Variants in ARL5A observed in about 807,000 individuals in gnomAD.
ARL5A encodes ADP-ribosylation factor-like protein 5A.
A neutral mutation model predicts 25.9 loss-of-function variants in ARL5A; 18 were observed. The observed-to-expected ratio is 0.69, with a 90% CI of 0.48 to 1.03. The LOEUF (loss-of-function observed/expected upper bound fraction) is 1.03, where lower values mean the gene tolerates loss of function less well. ARL5A is among the 50% of genes least tolerant of loss of function. ARL5A has a pLI of 0.00. For missense variants in ARL5A, 170 were observed against 211.9 expected, an observed-to-expected ratio of 0.80 and a Z score of 1.23; for synonymous variants, 61 against 67.5, an observed-to-expected ratio of 0.90 and a Z score of 0.47.
At position 151,801,695 on chromosome 2, in the gene ARL5A, C is replaced by T. The variant is rs2099829436; in HGVS notation, c.*1581G>A. 6.6e-6 allele frequency: 1 copy of T among 152,020 alleles called. No homozygotes were observed. The highest frequency in any genetic ancestry group is 2.4e-5 in the African/African-American group (1 of 41,432). The allele number at this position is 152,020 out of a possible 1,614,324, so 9.4% of individuals were successfully genotyped here. A position where few individuals can be genotyped will look rare whatever the true frequency, so the allele number is the denominator to read the frequency against. On this transcript the variant is annotated 3_prime_UTR_variant, in exon 6 of 6. Transcript: ENST00000295087. ...GTATTTCCCATTTTAAAGAAAGAAACTTTCAAAGTTTTGTCAATACTTAAA... is the reference window on the plus strand; with the variant it reads ...GTATTTCCCATTTTAAAGAAAGAAATTTTCAAAGTTTTGTCAATACTTAAA...
intron 1 of ARL5A, among the ~76,000 whole-genome samples, chr2:151,819,966 G>A (rs576279470): frequency 1.3e-5 from 2 of 152,270 alleles, no homozygotes; most frequent in East Asian, 1.9e-4. Context: ...TAAGGTAGAC[G>A]AATTGCTTGA....
At chr2:151,825,470 CATAAA>C (rs539420791) in intron 1 of ARL5A, among the ~76,000 whole-genome samples, 4 of 152,028 alleles carry the variant, frequency 2.6e-5, no homozygotes, top group Non-Finnish European at 4.4e-5. Context: ...ATTGTTAAAA[CATAAA>C]ATAAAATAAA....
chr2:151,803,263 A>C lies in ARL5A; in HGVS notation c.*13T>G. 1 of 1,600,694 alleles carries C rather than the reference A, an allele frequency of 6.2e-7. No homozygotes were observed. Among genetic ancestry groups the C allele is most frequent in the Non-Finnish European group, 8.5e-7 (1 of 1,170,006 alleles). ...TCATTTATACAAAATCTATGAGAAG[A>C]GGTCAGTAGAGATCATCTAATCTTA... On this transcript the variant is annotated 3_prime_UTR_variant, in exon 6 of 6. Coordinates refer to ENST00000295087, the MANE Select transcript of ARL5A (RefSeq NM_012097.4).
rs905219647 is a variant in ARL5A, at chr2:151,799,344, T to C, written c.*3932A>G. Reference sequence around the variant, plus strand: ...ACATCTAATGTTTATCTCTGTTTTGTAAGTAAACATGAAAAAAAAAATGGG... The same window carrying C: ...ACATCTAATGTTTATCTCTGTTTTGCAAGTAAACATGAAAAAAAAAATGGG... On this transcript the variant is annotated 3_prime_UTR_variant, in exon 6 of 6. Coordinates refer to ENST00000295087, the MANE Select transcript of ARL5A (RefSeq NM_012097.4). 1.3e-5 allele frequency: 2 copies of C among 152,106 alleles called. No individual in the cohort carries two copies. The highest frequency in any genetic ancestry group is 2.9e-5 in the Non-Finnish European group (2 of 68,012). The allele number at this position is 152,106 out of a possible 1,614,324, so 9.4% of individuals were successfully genotyped here.
At chr2:151,819,367 T>C (rs780818849) in intron 1 of ARL5A, among the ~76,000 whole-genome samples, 10 of 152,242 alleles carry the variant, frequency 6.6e-5, no homozygotes, top group Admixed American at 1.3e-4. Context: ...GCAAATCTTT[T>C]AAACTCTGAA....
chr2:151,827,329 T>G (rs948818179), intron 1 of ARL5A, among the ~76,000 whole-genome samples: 3 of 152,242 alleles, frequency 2.0e-5, no homozygotes, highest in African/African-American at 7.2e-5. Context: ...TTGGCTGAAC[T>G]TAAGCATCCC....
At chr2:151,828,086 C>G in intron 1 of ARL5A, 45 bp downstream of exon 1, 2 of 1,595,230 alleles carry the variant, frequency 1.3e-6, no homozygotes, top group East Asian at 4.7e-5. Flanking sequence ...CCGGCCCGAG[C>G]TGACCCTCTC....
At chr2:151,811,792 G>T (rs914066387) in intron 4 of ARL5A, among the ~76,000 whole-genome samples, 2 of 152,086 alleles carry the variant, frequency 1.3e-5, no homozygotes, top group African/African-American at 4.8e-5. Flanking sequence ...AGCTGGTCTT[G>T]AACTCTTGGG....
At chr2:151,823,430 G>A (rs938505009) in intron 1 of ARL5A, among the ~76,000 whole-genome samples, 5 of 151,588 alleles carry the variant, frequency 3.3e-5, no homozygotes, top group African/African-American at 7.3e-5. Flanking sequence ...CTATGAGGTT[G>A]CTGAAAAAAA....
At position 151,803,277 on chromosome 2, in the gene ARL5A, C is replaced by A; in HGVS notation, c.539G>T (p.Ter180LeuextTer19). The A allele has an allele frequency of 6.2e-7, 1 of 1,611,514 alleles. No individual in the cohort carries two copies. The highest frequency in any genetic ancestry group is 1.1e-5 in the South Asian group (1 of 91,004). The change falls in exon 6 of 6, where the codon TGA (stop) becomes TTA (leucine). Residue 180 changes from the stop codon to leucine, a stop_lost. Coordinates refer to ENST00000295087, the MANE Select transcript of ARL5A (RefSeq NM_012097.4). ...EWMMSRLKIR* is the reference protein window; with the variant it reads ...EWMMSRLKIRL ...TCTATGAGAAGAGGTCAGTAGAGAT[C>A]ATCTAATCTTAAGTCGTGACATCAT... is the stretch of plus-strand genomic sequence containing the variant.
At chr2:151,805,510 T>G (rs1291038521) in intron 5 of ARL5A, among the ~76,000 whole-genome samples, 1 of 152,218 alleles carries the variant, frequency 6.6e-6, no homozygotes, top group Admixed American at 6.5e-5. Flanking sequence ...CATGCATCAT[T>G]TAATGACAGG....
intron 2 of ARL5A, among the ~76,000 whole-genome samples, chr2:151,814,557 T>C (rs1485495629): frequency 2.6e-5 from 4 of 152,010 alleles, no homozygotes; most frequent in Non-Finnish European, 4.4e-5. Context: ...TTTTCTACTT[T>C]CTTTTTTTTA....
intron 1 of ARL5A, among the ~76,000 whole-genome samples, chr2:151,825,396 GA>G (rs1197343661): frequency 2.6e-5 from 4 of 151,698 alleles, no homozygotes; most frequent in South Asian, 2.1e-4. Flanking sequence ...ATGGCCTGGG[GA>G]AAAAAAATCA....
chr2:151,810,294 G>A (rs558586971), intron 4 of ARL5A: 1 of 159,476 alleles, frequency 6.3e-6, no homozygotes, highest in Admixed American at 6.5e-5. Flanking sequence ...GTCATTATCA[G>A]TGATGACAAT....
intron 2 of ARL5A, 31 bp downstream of exon 2, chr2:151,815,108 T>A (rs768983662): frequency 2.0e-6 from 3 of 1,519,134 alleles, no homozygotes; most frequent in Admixed American, 1.9e-5. Flanking sequence ...TAACTAGAAA[T>A]AAAATAATTT....
At chr2:151,803,408 G>C (rs1360327694) in intron 5 of ARL5A, 84 bp from the exon 6 acceptor site, 1 of 955,208 alleles carries the variant, frequency 1.0e-6, no homozygotes, top group African/African-American at 1.7e-5. Flanking sequence ...CTAAAAGAGA[G>C]CATTTTTCAT....
In ARL5A at chr2:151,810,950, A is replaced by C. The variant is rs561022504; in HGVS notation, c.339+1407T>G. On this transcript the variant is annotated intron_variant, in intron 4 of 5. Transcript: ENST00000295087. The stretch of plus-strand genomic sequence containing the variant: ...CAAAATAGGAATTTGAAAAGAAAAA[A>C]AAACAAACAAAAAAAAGCCTTTGTC... Among the ~76,000 whole-genome samples the C allele has an allele frequency of 1.4e-3, 216 of 152,350 alleles. 1 individual carries two copies. The highest frequency in any genetic ancestry group is 4.5e-3 in the African/African-American group (187 of 41,580).
intron 1 of ARL5A, among the ~76,000 whole-genome samples, chr2:151,820,419 G>C (rs146001198): frequency 0.023 from 3,458 of 152,174 alleles, 58 homozygotes; most frequent in South Asian, 0.09. Flanking sequence ...CAGCACTTTG[G>C]GGGGCTGAGG....
rs1025352210 is a variant in ARL5A, at chr2:151,814,558, C to CT, written c.108-243dup. Among the ~76,000 whole-genome samples the CT allele has an allele frequency of 1.7e-4, 26 of 151,662 alleles. 1 individual carries two copies. Among genetic ancestry groups the CT allele is most frequent in the African/African-American group, 5.8e-4 (24 of 41,384 alleles). On this transcript the variant is annotated intron_variant, in intron 2 of 5. Coordinates refer to ENST00000295087, the MANE Select transcript of ARL5A (RefSeq NM_012097.4). ...TTTCTACTTTATAGTTTTCTACTTT[C>CT]TTTTTTTTAATGTTACCCAGGCCGG...
Sources: allele counts gnomAD v4.1 joint callset (sites outside exome capture counted in the v4.1 genomes callset), GRCh38; gene constraint gnomAD v4.1.1; transcripts MANE v1.5; gene names NCBI Gene and HGNC (gene_info 2026-07-23, HGNC 2026-07-21).